Variants in ZFAT observed in about 807,000 individuals in gnomAD.
The protein encoded by ZFAT is zinc finger protein ZFAT.
In ZFAT, 64 loss-of-function variants were observed where a neutral mutation model predicts 117.7. The ratio of observed to expected loss-of-function variants is 0.54; its 90% CI spans 0.44 to 0.67. The LOEUF (loss-of-function observed/expected upper bound fraction) is 0.67, where lower values mean the gene tolerates loss of function less well. ZFAT is among the 30% of genes least tolerant of loss of function. The pLI is 0.00. For synonymous variants in ZFAT, 679 were observed against 615.0 expected (o/e 1.10, Z -1.54); for missense variants, 1,433 against 1,584.5 (o/e 0.90, Z 1.62).
At chr8:134,612,848 C>T (rs28579238) in intron 3 of ZFAT, among the ~76,000 whole-genome samples, 2,918 of 152,290 alleles carry the variant, frequency 0.019, 27 homozygotes, top group Middle Eastern at 0.034. Flanking sequence ...CCTATAAAGC[C>T]GGAGAATGAG....
At chr8:134,643,959 A>G (rs550744865) in intron 2 of ZFAT, among the ~76,000 whole-genome samples, 12 of 152,368 alleles carry the variant, frequency 7.9e-5, no homozygotes, top group African/African-American at 2.6e-4. Flanking sequence ...ACATGCACTC[A>G]GAATGACTGG....
At chr8:134,505,132 G>A (rs1033031984) in intron 15 of ZFAT, among the ~76,000 whole-genome samples, 10 of 152,014 alleles carry the variant, frequency 6.6e-5, no homozygotes, top group Admixed American at 3.3e-4. Context: ...TGCCTCTAAC[G>A]TACTATTATA....
rs1411408037 is a variant in ZFAT at position 134,561,099 on chromosome 8, A to T, written c.2976+4234T>A. Among the ~76,000 whole-genome samples the T allele has an allele frequency of 5.9e-5, 9 of 152,376 alleles. No individual in the cohort carries two copies. The East Asian group carries it at 1.2e-3, about 20-fold the overall frequency. ...CTATTTAGATTTCAGGATGACATGG[A>T]AATGCTTTTGGCATAAAGATATCCA... On this transcript the variant is annotated intron_variant, in intron 11 of 15. Coordinates refer to ENST00000377838, the MANE Select transcript of ZFAT (RefSeq NM_020863.4).
chr8:134,774,038 C>T, the ZFAT span, among the ~76,000 whole-genome samples: 1 of 138,206 alleles, frequency 7.2e-6, no homozygotes, highest in Non-Finnish European at 1.5e-5. Flanking sequence ...TCTTGTGGCC[C>T]AGGCTGGAGT....
chr8:134,795,533 T>C, the ZFAT span: 3 of 152,278 alleles, frequency 2.0e-5, no homozygotes, highest in Admixed American at 6.5e-5. Flanking sequence ...AGCCGATAGA[T>C]GGCTGACACT....
At chr8:134,501,368 G>A (rs1227305234) in intron 15 of ZFAT, among the ~76,000 whole-genome samples, 1 of 152,160 alleles carries the variant, frequency 6.6e-6, no homozygotes, top group Non-Finnish European at 1.5e-5. Context: ...CTGCAAGGAT[G>A]GAGTGGGTGT....
intron 10 of ZFAT, among the ~76,000 whole-genome samples, chr8:134,577,983 C>T (rs1206301243): frequency 6.6e-6 from 1 of 152,036 alleles, no homozygotes; most frequent in Admixed American, 6.6e-5. Context: ...AAGACTCATT[C>T]AGAGTGACTC....
chr8:134,620,894 G>C (rs1177005751), intron 3 of ZFAT, among the ~76,000 whole-genome samples: 2 of 152,100 alleles, frequency 1.3e-5, no homozygotes, highest in African/African-American at 4.8e-5. Context: ...GGGTTTCTGG[G>C]CTTGCTGGGG....
At chr8:134,794,290 A>G in the ZFAT span, 2 of 152,248 alleles carry the variant, frequency 1.3e-5, no homozygotes, top group Non-Finnish European at 2.9e-5. Context: ...AAAGACTGAG[A>G]AACAAGTAAA....
At chr8:134,721,350 T>C in the ZFAT span, among the ~76,000 whole-genome samples, 1 of 152,214 alleles carries the variant, frequency 6.6e-6, no homozygotes, top group Non-Finnish European at 1.5e-5. Context: ...CCTGCCAGCC[T>C]CTGCCTAGCC....
rs1270087626 is a variant in ZFAT at position 134,509,676 on chromosome 8, G to A, written c.3435C>T (p.Ala1145=). ...TGGCAACCACCGAGGCAAGGGCAGT[G>A]GCGTCATGGGTCTCGGCGCCCAGCT... ...IIELGAETHD[A]TALASVVAMA... Residue 1145 remains alanine, a synonymous_variant, in exon 15 of 16, where the codon GCC becomes GCT. Transcript: ENST00000377838. The A allele has an allele frequency of 1.9e-6, 3 of 1,613,098 alleles. No homozygotes were observed. The highest frequency in any genetic ancestry group is 2.5e-6 in the Non-Finnish European group (3 of 1,179,718).
intron 14 of ZFAT, 75 bp downstream of exon 14, chr8:134,512,400 A>G (rs1044089520): frequency 6.4e-7 from 1 of 1,567,504 alleles, no homozygotes; most frequent in Non-Finnish European, 8.7e-7. Context: ...GACATCATTC[A>G]TCTGCAAACG....
chr8:134,592,221 C>T (rs1392483821), intron 7 of ZFAT, among the ~76,000 whole-genome samples: 1 of 152,184 alleles, frequency 6.6e-6, no homozygotes, highest in African/African-American at 2.4e-5. Context: ...GCTCTCCTCA[C>T]TGTGCTCCCC....
At chr8:134,745,205 A>C in the ZFAT span, among the ~76,000 whole-genome samples, 1 of 152,218 alleles carries the variant, frequency 6.6e-6, no homozygotes, top group Non-Finnish European at 1.5e-5. Flanking sequence ...ACTTGAGGGA[A>C]GGGAATCATA....
chr8:134,792,069 T>A, the ZFAT span: 1 of 152,168 alleles, frequency 6.6e-6, no homozygotes, highest in South Asian at 2.1e-4. Context: ...ATTGGTAGAA[T>A]AGAAAGGAGA....
At chr8:134,539,374 T>C (rs574421662) in intron 11 of ZFAT, among the ~76,000 whole-genome samples, 1 of 152,332 alleles carries the variant, frequency 6.6e-6, no homozygotes, top group African/African-American at 2.4e-5. Context: ...GTCTAATTTG[T>C]GCAACCAAGT....
intron 11 of ZFAT, among the ~76,000 whole-genome samples, chr8:134,542,936 G>A (rs1246139511): frequency 6.6e-6 from 1 of 152,040 alleles, no homozygotes; most frequent in Non-Finnish European, 1.5e-5. Flanking sequence ...CCAGGCACAT[G>A]CAGTTACTGC....
the ZFAT span, among the ~76,000 whole-genome samples, chr8:134,813,802 AC>A: frequency 1.7e-3 from 24 of 14,206 alleles, no homozygotes; most frequent in South Asian, 1.9e-3. Flanking sequence ...TTGATTTTAT[AC>A]ACACACACAC....
At chr8:134,752,817 A>G in the ZFAT span, among the ~76,000 whole-genome samples, 1 of 151,922 alleles carries the variant, frequency 6.6e-6, no homozygotes, top group Admixed American at 6.6e-5. Flanking sequence ...TTCTTCTTAT[A>G]ATCCGATTAT....
Sources: allele counts gnomAD v4.1 joint callset (sites outside exome capture counted in the v4.1 genomes callset), GRCh38; gene constraint gnomAD v4.1.1; transcripts MANE v1.5; gene names NCBI Gene and HGNC (gene_info 2026-07-23, HGNC 2026-07-21).